DHX57: variants seen among roughly 807,000 people sequenced by gnomAD.
DHX57 encodes the protein DExH-box helicase 57.
A neutral mutation model predicts 156.2 loss-of-function variants in DHX57; 105 were observed. The observed-to-expected ratio is 0.67, with a 90% confidence interval of 0.57 to 0.79. The LOEUF (loss-of-function observed/expected upper bound fraction) is 0.79. DHX57 is among the 30% of genes least tolerant of loss of function. The probability of loss-of-function intolerance (pLI) is 0.00; values close to 1 mark genes in which losing one functional copy is unlikely to be tolerated. For synonymous variants in DHX57, 704 were observed against 595.6 expected, an observed-to-expected ratio of 1.18 and a Z score of -2.65; for missense variants, 1,847 against 1,661.9, an observed-to-expected ratio of 1.11 and a Z score of -1.94.
chr2:38,855,924 C>A lies in DHX57; in HGVS notation c.1709+416G>T, dbSNP rs184943032. ...CCAGCCTGGCCAACATGGTAAAACA[C>A]CCCTCTCTACTAAAAACACACAAAA... On this transcript the variant is annotated intron_variant, in intron 7 of 23. Transcript: ENST00000457308. Among the ~76,000 whole-genome samples, 6 of 152,162 alleles carry A rather than the reference C, an allele frequency of 3.9e-5. No homozygotes were observed. The East Asian group carries it at 1.2e-3, about 29-fold the overall frequency.
intron 3 of DHX57, 130 bp downstream of exon 3, chr2:38,863,231 G>A: frequency 1.1e-6 from 1 of 931,198 alleles, no homozygotes; most frequent in East Asian, 2.7e-5. Context: ...ATTACTCTTG[G>A]CTCACTTTCA....
chr2:38,826,985 A>G lies in DHX57; in HGVS notation c.2640-296T>C, dbSNP rs150230584. On this transcript the variant is annotated intron_variant, in intron 14 of 23. Coordinates refer to ENST00000457308, the MANE Select transcript of DHX57 (RefSeq NM_198963.3). ...GTCTCTACTAAAAATACAAAAATTAACCAGGTGTGTTGGTGGGCACCTGTA... is the reference window on the plus strand; with the variant it reads ...GTCTCTACTAAAAATACAAAAATTAGCCAGGTGTGTTGGTGGGCACCTGTA... 2.6e-4 allele frequency among the ~76,000 whole-genome samples: 40 copies of G among 151,906 alleles called. 1 individual carries two copies. In the East Asian group the frequency reaches 6.4e-3, roughly 24 times the overall value.
In DHX57 at chr2:38,823,048, C is replaced by A. The variant is rs539720747; in HGVS notation, c.3236G>T (p.Arg1079Leu). Residue 1079 changes from arginine (R) to leucine (L), a missense_variant, in exon 17 of 24, where the codon CGC becomes CTC. Transcript: ENST00000457308. ...AATGGTGAGAGCAGGATCCAAACAG[C>A]GGAAGATAGACCCAAACAACATTAG... Reference protein sequence around the residue: ...GKLMLFGSIFRCLDPALTIAA... With the variant: ...GKLMLFGSIFLCLDPALTIAA... The A allele has an allele frequency of 6.2e-7, 1 of 1,614,086 alleles. No individual in the cohort carries two copies. The highest frequency in any genetic ancestry group is 1.1e-5 in the South Asian group (1 of 91,076).
At chr2:38,810,534 G>A in intron 21 of DHX57, 1 of 563,758 alleles carries the variant, frequency 1.8e-6, no homozygotes, top group South Asian at 1.5e-5. Flanking sequence ...GCTCATCATT[G>A]CCCTCCACGT....
At chr2:38,821,886 T>C (rs1670833500) in intron 17 of DHX57, among the ~76,000 whole-genome samples, 1 of 151,988 alleles carries the variant, frequency 6.6e-6, no homozygotes, top group Non-Finnish European at 1.5e-5. Context: ...TGCCAATAAA[T>C]TAGATAAGTT....
intron 17 of DHX57, 43 bp downstream of exon 17, chr2:38,822,950 G>C: frequency 6.3e-7 from 1 of 1,592,434 alleles, no homozygotes; most frequent in Non-Finnish European, 8.6e-7. Flanking sequence ...GAGACCTATG[G>C]TCCTCTTAGA....
chr2:38,815,863 G>A, intron 19 of DHX57: 1 of 596,240 alleles, frequency 1.7e-6, no homozygotes, highest in East Asian at 2.9e-5. Flanking sequence ...AACTGAAACG[G>A]TTATGCAGAA....
chr2:38,855,219 A>T lies in DHX57; in HGVS notation c.1743T>A (p.Ile581=), dbSNP rs143241044. Residue 581 remains isoleucine, a synonymous_variant, in exon 8 of 24, where the codon ATT becomes ATA. Coordinates refer to ENST00000457308, the MANE Select transcript of DHX57 (RefSeq NM_198963.3). The part of the protein sequence containing the change: ...CGKTTQIPQF[I]LDDSLNGPPE... Reference sequence around the variant, plus strand: ...GTGGTCCATTCAGAGAATCATCCAGAATAAACTGCGGAATTTGTGTGGTTT... The same window carrying T: ...GTGGTCCATTCAGAGAATCATCCAGTATAAACTGCGGAATTTGTGTGGTTT... 1.0e-4 allele frequency: 168 copies of T among 1,614,196 alleles called. No individual in the cohort carries two copies. In the African/African-American group the frequency reaches 1.8e-3, roughly 17 times the overall value.
intron 11 of DHX57, among the ~76,000 whole-genome samples, 159 bp downstream of exon 11, chr2:38,846,860 T>C (rs970116263): frequency 6.6e-6 from 1 of 152,126 alleles, no homozygotes; most frequent in African/African-American, 2.4e-5. Flanking sequence ...TGAATCTTTT[T>C]TTTTTTCTCA....
In DHX57 at chr2:38,868,162, A is replaced by G. The variant is rs749172115; in HGVS notation, c.224+20T>C. 4 of 1,610,720 alleles carry G rather than the reference A, an allele frequency of 2.5e-6. No individual in the cohort carries two copies. The highest frequency in any genetic ancestry group is 3.4e-6 in the Non-Finnish European group (4 of 1,177,640). On this transcript the variant is annotated intron_variant, in intron 2 of 23. Transcript: ENST00000457308. ...GTTGATACCATTTCCATATTTAAAC[A>G]TTCAAAGAGTTATAATGACCTGGAA...
intron 21 of DHX57, among the ~76,000 whole-genome samples, chr2:38,809,476 T>C (rs1323235843): frequency 1.3e-5 from 2 of 151,680 alleles, no homozygotes; most frequent in Non-Finnish European, 2.9e-5. Flanking sequence ...TTTCTTTTTT[T>C]TTTTAGACGG....
At chr2:38,819,788 C>T (rs923604007) in intron 17 of DHX57, among the ~76,000 whole-genome samples, 1 of 152,144 alleles carries the variant, frequency 6.6e-6, no homozygotes, top group African/African-American at 2.4e-5. Context: ...TCGTCTTCTA[C>T]GTTTGAGTCT....
chr2:38,831,013 AC>A (rs1671352132), intron 13 of DHX57, among the ~76,000 whole-genome samples: 1 of 152,046 alleles, frequency 6.6e-6, no homozygotes, highest in South Asian at 2.1e-4. Flanking sequence ...GGCTGCAGTG[AC>A]CCGTGATCAT....
At chr2:38,836,136 G>C (rs994563040) in intron 13 of DHX57, among the ~76,000 whole-genome samples, 4 of 152,200 alleles carry the variant, frequency 2.6e-5, no homozygotes, top group African/African-American at 7.2e-5. Flanking sequence ...TTCTATGATA[G>C]AGCACTGAAA....
intron 12 of DHX57, among the ~76,000 whole-genome samples, chr2:38,842,585 AC>A (rs1251249752): frequency 6.6e-6 from 1 of 152,182 alleles, no homozygotes; most frequent in African/African-American, 2.4e-5. Flanking sequence ...AAATACATGA[AC>A]CCAGAGCAAA....
chr2:38,819,201 G>T (rs1055149477), intron 17 of DHX57, 57 bp from the exon 18 acceptor site: 6 of 1,534,136 alleles, frequency 3.9e-6, no homozygotes, highest in African/African-American at 2.8e-5. Flanking sequence ...CAAAGACAGG[G>T]TCTTGTTCTG....
chr2:38,834,656 G>A (rs1379877722), intron 13 of DHX57, among the ~76,000 whole-genome samples: 1 of 152,168 alleles, frequency 6.6e-6, no homozygotes, highest in Non-Finnish European at 1.5e-5. Flanking sequence ...TGCCACTAGT[G>A]ATGCTGTAAG....
Position 38,854,998 on chromosome 2 carries a change from C to G in DHX57, c.1905+59G>C. On this transcript the variant is annotated intron_variant, in intron 8 of 23. Coordinates refer to ENST00000457308, the MANE Select transcript of DHX57 (RefSeq NM_198963.3). ...CCCATGAATCTCCTAACCCCCAAAACTTTTTATACCTAAAAACCATAAATT... is the reference window on the plus strand; with the variant it reads ...CCCATGAATCTCCTAACCCCCAAAAGTTTTTATACCTAAAAACCATAAATT... The G allele has an allele frequency of 2.5e-6, 4 of 1,605,140 alleles. No individual in the cohort carries two copies. The East Asian group carries it at 8.9e-5, about 36-fold the overall frequency.
At chr2:38,809,923 A>G (rs977590168) in intron 21 of DHX57, among the ~76,000 whole-genome samples, 16 of 151,230 alleles carry the variant, frequency 1.1e-4, no homozygotes, top group African/African-American at 3.9e-4. Context: ...AGACGGAGTC[A>G]TGTTCTGTAG....
Sources: allele counts gnomAD v4.1 joint callset (sites outside exome capture counted in the v4.1 genomes callset), GRCh38; gene constraint gnomAD v4.1.1; transcripts MANE v1.5; gene names NCBI Gene and HGNC (gene_info 2026-07-23, HGNC 2026-07-21).